Variants in NCAPG observed in about 807,000 individuals in gnomAD.
The protein encoded by NCAPG is condensin complex subunit 3.
Under a neutral mutation model 113.1 loss-of-function variants are expected in NCAPG, and 69 were observed. That is an observed-to-expected ratio of 0.61 (90% CI 0.50 to 0.75). The LOEUF is 0.75. NCAPG is among the 30% of genes least tolerant of loss of function. The probability of loss-of-function intolerance (pLI) is 0.00; values close to 1 mark genes in which losing one functional copy is unlikely to be tolerated. For synonymous variants in NCAPG, 370 were observed against 415.8 expected (o/e 0.89, Z 1.34); for missense variants, 1,058 against 1,177.0 (o/e 0.90, Z 1.48).
intron 11 of NCAPG, 117 bp downstream of exon 11, chr4:17,825,678 G>C (rs1158873129): frequency 1.2e-6 from 1 of 865,696 alleles, no homozygotes; most frequent in South Asian, 2.2e-5. Context: ...CTTTGTAATA[G>C]TGACATGAAT....
chr4:17,823,857 T>C, intron 9 of NCAPG, 87 bp downstream of exon 9: 1 of 1,169,512 alleles, frequency 8.6e-7, no homozygotes, highest in East Asian at 2.5e-5. Flanking sequence ...CTTTTTGTTT[T>C]GTCTGTTTTG....
chr4:17,837,557 T>A (rs1043008565), intron 15 of NCAPG, 70 bp from the exon 16 acceptor site: 90 of 1,508,146 alleles, frequency 6.0e-5, no homozygotes, highest in Non-Finnish European at 7.8e-5. Context: ...ACATAGTAGT[T>A]TTGAATTTCA....
intron 6 of NCAPG, 39 bp from the exon 7 acceptor site, chr4:17,817,900 A>G (rs1473904536): frequency 1.9e-6 from 3 of 1,543,528 alleles, no homozygotes; most frequent in African/African-American, 1.4e-5. Flanking sequence ...AATGATAAAA[A>G]GATCATGCTT....
intron 20 of NCAPG, 191 bp from the exon 21 acceptor site, chr4:17,843,109 CCT>C (rs1722579711): frequency 4.1e-6 from 2 of 487,968 alleles, no homozygotes. Flanking sequence ...CTAGATTTTC[CCT>C]GATTCACTTT....
chr4:17,841,628 A>G (rs1007190632), intron 19 of NCAPG: 1 of 151,896 alleles, frequency 6.6e-6, no homozygotes, highest in African/African-American at 2.4e-5. Flanking sequence ...ACACCATGAG[A>G]ACACCATCCT....
intron 18 of NCAPG, 59 bp downstream of exon 18, chr4:17,840,268 T>G: frequency 1.4e-6 from 2 of 1,444,348 alleles, no homozygotes; most frequent in Non-Finnish European, 1.8e-6. Context: ...CCATCTTTAC[T>G]GAGACATATT....
rs891415332 is a variant in NCAPG, at chr4:17,844,106, C to T, written c.*681C>T. On this transcript the variant is annotated 3_prime_UTR_variant, in exon 21 of 21. Transcript: ENST00000251496. ...ATGTATTATTAACCATGAAGCTGCT[C>T]GCTATATTTTTGGCATAACAAAATA... is the stretch of plus-strand genomic sequence containing the variant. The T allele has an allele frequency of 6.6e-6, 1 of 151,796 alleles. No homozygotes were observed. Among genetic ancestry groups the T allele is most frequent in the African/African-American group, 2.4e-5 (1 of 41,378 alleles). 9.4% of individuals were successfully genotyped at this position (151,796 alleles called of 1,614,324 possible).
chr4:17,837,505 G>A (rs1383702259), intron 15 of NCAPG, 122 bp from the exon 16 acceptor site: 2 of 1,293,188 alleles, frequency 1.5e-6, no homozygotes, highest in African/African-American at 3.0e-5. Flanking sequence ...TGAATTTTTG[G>A]CTCTTTCCTA....
intron 12 of NCAPG, among the ~76,000 whole-genome samples, chr4:17,828,801 T>C (rs1721756270): frequency 6.6e-6 from 1 of 152,096 alleles, no homozygotes; most frequent in African/African-American, 2.4e-5. Context: ...AAAATAACCC[T>C]TTGTAGGTAA....
intron 11 of NCAPG, among the ~76,000 whole-genome samples, chr4:17,826,563 A>G (rs1308098334): frequency 6.6e-6 from 1 of 152,246 alleles, no homozygotes; most frequent in African/African-American, 2.4e-5. Flanking sequence ...CATCTGAAAA[A>G]TGACAAACTT....
chr4:17,839,887 A>G, intron 17 of NCAPG, 50 bp downstream of exon 17: 1 of 1,524,348 alleles, frequency 6.6e-7, no homozygotes, highest in Non-Finnish European at 8.8e-7. Context: ...ATATTTATAC[A>G]TGTAGAATTT....
Position 17,823,704 on chromosome 4 carries a change from C to T in NCAPG, c.1317C>T (p.Ser439=). The part of the protein sequence containing the change: ...EILILPTIPI[S]LVSFLVERLL... ...TTATTTTACCCACAATCCCAATATC[C>T]CTGGTTTCTTTTCTTGTTGAAAGAC... The change falls in exon 9 of 21, where the codon TCC becomes TCT. Residue 439 remains serine, a synonymous_variant. Coordinates refer to ENST00000251496, the MANE Select transcript of NCAPG (RefSeq NM_022346.5). The T allele has an allele frequency of 6.2e-7, 1 of 1,608,834 alleles. No homozygotes were observed. Among genetic ancestry groups the T allele is most frequent in the South Asian group, 1.1e-5 (1 of 90,840 alleles).
At chr4:17,814,319 G>T (rs1721107646) in intron 3 of NCAPG, among the ~76,000 whole-genome samples, 1 of 152,140 alleles carries the variant, frequency 6.6e-6, no homozygotes, top group Non-Finnish European at 1.5e-5. Context: ...AAGGGAAGTT[G>T]GTGGCCTGCG....
chr4:17,817,841 G>A, intron 6 of NCAPG, 98 bp from the exon 7 acceptor site: 1 of 1,217,218 alleles, frequency 8.2e-7, no homozygotes, highest in Non-Finnish European at 1.1e-6. Context: ...ATAGTGTAGT[G>A]GTTTTAAAGC....
chr4:17,824,424 A>G (rs1721577204), intron 9 of NCAPG, among the ~76,000 whole-genome samples: 1 of 152,088 alleles, frequency 6.6e-6, no homozygotes, highest in South Asian at 2.1e-4. Context: ...CCCCTTCTAC[A>G]ACATGCTTAG....
intron 20 of NCAPG, 21 bp from the exon 21 acceptor site, chr4:17,843,281 G>GTAT (rs1722601964): frequency 1.3e-6 from 2 of 1,597,526 alleles, no homozygotes; most frequent in African/African-American, 1.4e-5. Context: ...CTAAATTCGT[G>GTAT]TATTTTCAAC....
rs1290281156 is a variant in NCAPG at position 17,828,316 on chromosome 4, C to T, written c.1692C>T (p.Cys564=). 7 of 1,610,202 alleles carry T rather than the reference C, an allele frequency of 4.3e-6. No homozygotes were observed. Among genetic ancestry groups the T allele is most frequent in the Non-Finnish European group, 5.9e-6 (7 of 1,178,114 alleles). ...CATTGCAGAAATGTCTTATTTTATG[C>T]TATGAACTGTTGAAGCAGATGTCCA... ...AETLQKCLIL[C]YELLKQMSIS... The change falls in exon 12 of 21, where the codon TGC becomes TGT. Residue 564 remains cysteine, a synonymous_variant. Coordinates refer to ENST00000251496, the MANE Select transcript of NCAPG (RefSeq NM_022346.5).
chr4:17,826,971 A>T (rs1212781003), intron 11 of NCAPG, among the ~76,000 whole-genome samples: 2 of 152,344 alleles, frequency 1.3e-5, no homozygotes, highest in East Asian at 3.9e-4. Flanking sequence ...TACAAAGGGC[A>T]AGTAACTTGC....
chr4:17,833,085 T>G (rs1721927490), intron 13 of NCAPG, among the ~76,000 whole-genome samples: 1 of 152,068 alleles, frequency 6.6e-6, no homozygotes, highest in Admixed American at 6.6e-5. Context: ...TTAATTACAT[T>G]AAAGAATATA....
Sources: gnomAD v4.1 joint callset for allele counts (sites outside exome capture counted in the v4.1 genomes callset) on GRCh38, gnomAD v4.1.1 for gene constraint, MANE v1.5 for transcripts, NCBI Gene and HGNC (gene_info 2026-07-23, HGNC 2026-07-21) for gene names.